Variants in UBR1 observed in about 807,000 individuals in gnomAD.
The protein encoded by UBR1 is E3 ubiquitin-protein ligase UBR1.
UBR1 carries 102 observed loss-of-function variants against 242.1 expected under a neutral mutation model. The ratio of observed to expected loss-of-function variants is 0.42; its 90% CI spans 0.36 to 0.50. The LOEUF is 0.50. Among genes scored for constraint, UBR1 ranks in the 20% least tolerant of loss-of-function variants. The probability of loss-of-function intolerance (pLI) is 0.01; values close to 1 mark genes in which losing one functional copy is unlikely to be tolerated. For synonymous variants in UBR1, 675 were observed against 684.8 expected, an observed-to-expected ratio of 0.99 and a Z score of 0.22; for missense variants, 1,772 against 2,101.8, an observed-to-expected ratio of 0.84 and a Z score of 3.07.
chr15:43,095,541 T>TAA (rs2034149611), intron 1 of UBR1, among the ~76,000 whole-genome samples: 1 of 132,558 alleles, frequency 7.5e-6, no homozygotes, highest in African/African-American at 3.0e-5. Context: ...TGTGACAACA[T>TAA]TAAAAAAAAA....
Position 43,036,217 on chromosome 15 carries a change from A to G in UBR1, c.2151T>C (p.Leu717=). 1.2e-6 allele frequency: 2 copies of G among 1,613,840 alleles called. No homozygotes were observed. Among genetic ancestry groups the G allele is most frequent in the Non-Finnish European group, 1.7e-6 (2 of 1,179,854 alleles). The change falls in exon 19 of 47, where the codon CTT becomes CTC. Residue 717 remains leucine, a synonymous_variant. Coordinates refer to ENST00000290650, the MANE Select transcript of UBR1 (RefSeq NM_174916.3). ...ATATGGTCTTGTTAAAAGCCTCGGCAAGTTCATACCTCTGAAGTACCAGTA... is the reference window on the plus strand; with the variant it reads ...ATATGGTCTTGTTAAAAGCCTCGGCGAGTTCATACCTCTGAAGTACCAGTA... ...FLLLVLQRYE[L]AEAFNKTIST... is the part of the protein sequence containing the mutation.
intron 6 of UBR1, among the ~76,000 whole-genome samples, chr15:43,065,749 G>T (rs1202535191): frequency 6.6e-6 from 1 of 151,952 alleles, no homozygotes; most frequent in African/African-American, 2.4e-5. Context: ...TTTCATGTTT[G>T]CTGGCTGCAT....
intron 46 of UBR1, among the ~76,000 whole-genome samples, chr15:42,949,356 C>T (rs2031790612): frequency 6.6e-6 from 1 of 150,996 alleles, no homozygotes; most frequent in South Asian, 2.1e-4. Context: ...GTGCAGCACA[C>T]CAACATGGCA....
intron 1 of UBR1, 96 bp downstream of exon 1, chr15:43,105,846 C>A: frequency 8.0e-7 from 1 of 1,246,130 alleles, no homozygotes. Context: ...CTCCCCCTCC[C>A]CAGAGCCGCC....
Position 43,105,991 on chromosome 15 carries a change from C to A in UBR1, c.32G>T (p.Arg11Met). 3.7e-6 allele frequency: 6 copies of A among 1,613,962 alleles called. No homozygotes were observed. The highest frequency in any genetic ancestry group is 5.1e-6 in the Non-Finnish European group (6 of 1,179,960). Reference sequence around the variant, plus strand: ...GGGTAACTCCGCGCTGATTTCCATCCTCTCAGTACCTCCAGCCTCCTCGTC... The same window carrying A: ...GGGTAACTCCGCGCTGATTTCCATCATCTCAGTACCTCCAGCCTCCTCGTC... MADEEAGGTE[R>M]MEISAELPQT... is the part of the protein sequence containing the mutation. Residue 11 changes from arginine (R) to methionine (M), a missense_variant, in exon 1 of 47, where the codon AGG (arginine) becomes ATG (methionine). Around this residue, in one of 3 missense-constraint regions of UBR1, gnomAD observed 734 missense variants for 893.3 expected, o/e 0.82. Coordinates refer to ENST00000290650, the MANE Select transcript of UBR1 (RefSeq NM_174916.3).
chr15:43,021,257 T>A lies in UBR1; in HGVS notation c.2940+18A>T. 1 of 1,605,266 alleles carries A rather than the reference T, an allele frequency of 6.2e-7. No individual in the cohort carries two copies. The highest frequency in any genetic ancestry group is 8.5e-7 in the Non-Finnish European group (1 of 1,172,226). Reference sequence around the variant, plus strand: ...AATATTTAAACCAAGATATGATCACTTTACTTTTTTAGTTTACCTGAAGTA... The same window carrying A: ...AATATTTAAACCAAGATATGATCACATTACTTTTTTAGTTTACCTGAAGTA... On this transcript the variant is annotated intron_variant, in intron 27 of 46. Coordinates refer to ENST00000290650, the MANE Select transcript of UBR1 (RefSeq NM_174916.3).
At chr15:43,059,651 T>G (rs376346939) in intron 8 of UBR1, 51 bp downstream of exon 8, 1 of 1,600,188 alleles carries the variant, frequency 6.2e-7, no homozygotes, top group African/African-American at 1.3e-5. Context: ...TTTGTGGCTA[T>G]AAAACACATA....
chr15:42,950,332 C>T lies in UBR1; in HGVS notation c.5038G>A (p.Gly1680Ser). The change falls in exon 46 of 47, where the codon GGT becomes AGT. Residue 1680 changes from glycine (G) to serine (S), a missense_variant. Gly to Ser is a moderately conservative substitution (Grantham distance 56). Coordinates refer to ENST00000290650, the MANE Select transcript of UBR1 (RefSeq NM_174916.3). ...IRECRVVLVE[G>S]KARGCAYPAP... is the part of the protein sequence containing the mutation. ...GGATAGGCACAGCCTCTGGCTTTAC[C>T]TTCAACCAGGACCACTCGGCATTCT... The T allele has an allele frequency of 6.2e-7, 1 of 1,614,156 alleles. No individual in the cohort carries two copies. Among genetic ancestry groups the T allele is most frequent in the Non-Finnish European group, 8.5e-7 (1 of 1,180,026 alleles).
rs1163504151 is a variant in UBR1 at position 43,027,847 on chromosome 15, T to C, written c.2380-19A>G. 1 of 1,609,358 alleles carries C rather than the reference T, an allele frequency of 6.2e-7. No individual in the cohort carries two copies. The highest frequency in any genetic ancestry group is 8.5e-7 in the Non-Finnish European group (1 of 1,177,250). ...TATTTTCCTGTTGAAACAATATTTTTGTCATTTTTACCTTCATATAATGAC... is the reference window on the plus strand; with the variant it reads ...TATTTTCCTGTTGAAACAATATTTTCGTCATTTTTACCTTCATATAATGAC... On this transcript the variant is annotated intron_variant, in intron 21 of 46. Coordinates refer to ENST00000290650, the MANE Select transcript of UBR1 (RefSeq NM_174916.3).
At chr15:42,978,435 T>C (rs2032322715) in intron 37 of UBR1, among the ~76,000 whole-genome samples, 1 of 152,210 alleles carries the variant, frequency 6.6e-6, no homozygotes, top group African/African-American at 2.4e-5. Context: ...ATATAGATTG[T>C]TCATCTGGAG....
chr15:43,099,668 T>TCATTCATA (rs2034203891), intron 1 of UBR1, among the ~76,000 whole-genome samples: 1 of 152,202 alleles, frequency 6.6e-6, no homozygotes, highest in Admixed American at 6.5e-5. Context: ...ATTCATTCAT[T>TCATTCATA]CATTCATACA....
At chr15:42,957,709 T>C (rs1461138202) in intron 44 of UBR1, among the ~76,000 whole-genome samples, 2 of 151,834 alleles carry the variant, frequency 1.3e-5, no homozygotes, top group Non-Finnish European at 1.5e-5. Context: ...ACCTTGTCTC[T>C]ATGAAAAATT....
At chr15:43,051,819 A>C (rs1006171340) in intron 12 of UBR1, among the ~76,000 whole-genome samples, 4 of 152,200 alleles carry the variant, frequency 2.6e-5, no homozygotes, top group South Asian at 2.1e-4. Flanking sequence ...AAGCAATGGG[A>C]AAAGAGGGAG....
chr15:43,036,492 G>A, intron 18 of UBR1, 36 bp downstream of exon 18: 1 of 1,454,786 alleles, frequency 6.9e-7, no homozygotes, highest in Non-Finnish European at 9.6e-7. Flanking sequence ...GAAGGAAGAT[G>A]AAGACACAAA....
chr15:42,991,897 C>A (rs1177988254), intron 33 of UBR1, among the ~76,000 whole-genome samples: 1 of 152,086 alleles, frequency 6.6e-6, no homozygotes, highest in African/African-American at 2.4e-5. Context: ...CACCACCAAA[C>A]AGAGCTAATT....
chr15:43,075,835 A>G (rs185582723), intron 3 of UBR1, among the ~76,000 whole-genome samples: 3,249 of 151,626 alleles, frequency 0.021, 134 homozygotes, highest in African/African-American at 0.075. Context: ...GGCTGGTCTC[A>G]AACTCCCGAC....
chr15:43,097,776 T>C (rs1026351252), intron 1 of UBR1, among the ~76,000 whole-genome samples: 3 of 152,248 alleles, frequency 2.0e-5, no homozygotes, highest in Non-Finnish European at 4.4e-5. Context: ...CCTTGCTCTT[T>C]GATTAGGTTT....
chr15:43,032,791 C>T (rs531324785), intron 19 of UBR1, among the ~76,000 whole-genome samples, 160 bp from the exon 20 acceptor site: 1 of 152,258 alleles, frequency 6.6e-6, no homozygotes, highest in Non-Finnish European at 1.5e-5. Flanking sequence ...TACAATAGTT[C>T]CCTTTTTTGA....
chr15:43,000,827 AC>A (rs2032711499), intron 32 of UBR1, among the ~76,000 whole-genome samples: 1 of 151,892 alleles, frequency 6.6e-6, no homozygotes, highest in Non-Finnish European at 1.5e-5. Flanking sequence ...GATTAGAACA[AC>A]TCTTTATTTA....
Sources: gnomAD v4.1 joint callset for allele counts (sites outside exome capture counted in the v4.1 genomes callset) on GRCh38, gnomAD v4.1.1 for gene constraint, gnomAD v4.1.1 regional missense constraint, MANE v1.5 for transcripts, NCBI Gene and HGNC (gene_info 2026-07-23, HGNC 2026-07-21) for gene names.